The following RAB30 variants were observed in gnomAD, a reference collection of about 807,000 sequenced individuals.
RAB30 encodes the protein RAB30, member RAS oncogene family, also known as ras-related protein Rab-30.
In RAB30, 9 loss-of-function variants were observed where a neutral mutation model predicts 25.1. The ratio of observed to expected loss-of-function variants is 0.36; its 90% CI spans 0.22 to 0.63. The LOEUF (loss-of-function observed/expected upper bound fraction) is 0.63, where lower values mean the gene tolerates loss of function less well. RAB30 is among the 20% of genes least tolerant of loss of function. The pLI is 0.69. For missense variants in RAB30, 140 were observed against 243.5 expected (o/e 0.58, Z 2.83); for synonymous variants, 77 against 86.4 (o/e 0.89, Z 0.60).
intron 4 of RAB30, among the ~76,000 whole-genome samples, chr11:82,982,882 A>T (rs927960911): frequency 6.6e-6 from 1 of 152,130 alleles, no homozygotes; most frequent in African/African-American, 2.4e-5. Flanking sequence ...AATAAATAAA[A>T]AATGAGTGCC....
In RAB30 at chr11:82,977,800, A is replaced by G. The variant is rs1411790925; in HGVS notation, c.*4365T>C. The G allele has an allele frequency of 6.6e-6, 1 of 152,208 alleles. No homozygotes were observed. The highest frequency in any genetic ancestry group is 1.9e-4 in the East Asian group (1 of 5,200). 9.4% of individuals were successfully genotyped at this position (152,208 alleles called of 1,614,324 possible). A position where few individuals can be genotyped will look rare whatever the true frequency, so the allele number is the denominator to read the frequency against. The stretch of plus-strand genomic sequence containing the variant: ...CAAAGTATGGCTCCTGGAAATGATA[A>G]TAACATTCCAACATCAAGGGACTGA... On this transcript the variant is annotated 3_prime_UTR_variant, in exon 5 of 5. Transcript: ENST00000527633.
intron 1 of RAB30, among the ~76,000 whole-genome samples, chr11:83,052,328 C>G (rs1469720285): frequency 6.6e-6 from 1 of 152,172 alleles, no homozygotes; most frequent in Non-Finnish European, 1.5e-5. Context: ...GTGCTCACAG[C>G]CCCAGGATTT....
At position 82,976,487 on chromosome 11, in the gene RAB30, C is replaced by T. The variant is rs560791771; in HGVS notation, c.*5678G>A. 1 of 152,260 alleles carries T rather than the reference C, an allele frequency of 6.6e-6. No individual in the cohort carries two copies. Among genetic ancestry groups the T allele is most frequent in the Non-Finnish European group, 1.5e-5 (1 of 67,998 alleles). The allele number at this position is 152,260 out of a possible 1,614,324, so 9.4% of individuals were successfully genotyped here. A position where few individuals can be genotyped will look rare whatever the true frequency, so the allele number is the denominator to read the frequency against. ...TCTATATAACTCCCCACATCACTCT[C>T]CAAAGTGTCAAAGTCAGCAACCACC... On this transcript the variant is annotated 3_prime_UTR_variant, in exon 5 of 5. Transcript: ENST00000527633.
chr11:83,071,812 G>A lies in RAB30; in HGVS notation c.-130C>T, dbSNP rs552890098. The A allele has an allele frequency of 1.2e-4, 42 of 338,894 alleles. No homozygotes were observed. Among genetic ancestry groups the A allele is most frequent in the Middle Eastern group, 1.6e-3 (2 of 1,290 alleles). 21.0% of individuals were successfully genotyped at this position (338,894 alleles called of 1,614,324 possible). On this transcript the variant is annotated 5_prime_UTR_variant, in exon 1 of 5. Transcript: ENST00000527633. ...AAGGGCTGGAGTCAGTCCCTGCCCT[G>A]GTGCTGCTGCTACACTTAGCTCAGC...
chr11:83,035,124 T>A (rs889487591), intron 1 of RAB30, among the ~76,000 whole-genome samples: 2 of 151,208 alleles, frequency 1.3e-5, no homozygotes, highest in Admixed American at 6.6e-5. Flanking sequence ...ATGAGCAAAC[T>A]ATGGCTCAGA....
At position 82,976,801 on chromosome 11, in the gene RAB30, G is replaced by C. The variant is rs1856553504; in HGVS notation, c.*5364C>G. 1 of 152,146 alleles carries C rather than the reference G, an allele frequency of 6.6e-6. No individual in the cohort carries two copies. Among genetic ancestry groups the C allele is most frequent in the African/African-American group, 2.4e-5 (1 of 41,424 alleles). The allele number at this position is 152,146 out of a possible 1,614,324, so 9.4% of individuals were successfully genotyped here. A position where few individuals can be genotyped will look rare whatever the true frequency, so the allele number is the denominator to read the frequency against. On this transcript the variant is annotated 3_prime_UTR_variant, in exon 5 of 5. Coordinates refer to ENST00000527633, the MANE Select transcript of RAB30 (RefSeq NM_001286060.2). ...AAGGGTGAAAGTTATTTTGCAGGTG[G>C]AATAATTTGGGCCATAGGCTTCAAT...
intron 1 of RAB30, among the ~76,000 whole-genome samples, chr11:83,006,457 C>T (rs1000445667): frequency 3.9e-4 from 59 of 152,154 alleles, no homozygotes; most frequent in African/African-American, 1.3e-3. Context: ...GAAGAAAGGG[C>T]GGGGGCATAT....
intron 1 of RAB30, among the ~76,000 whole-genome samples, chr11:83,052,958 T>C (rs1185940315): frequency 6.6e-6 from 1 of 152,214 alleles, no homozygotes; most frequent in East Asian, 1.9e-4. Flanking sequence ...ATTAATGTTT[T>C]AGTAAAAAAA....
At chr11:83,004,225 G>T (rs1857141776) in intron 1 of RAB30, among the ~76,000 whole-genome samples, 2 of 152,146 alleles carry the variant, frequency 1.3e-5, no homozygotes, top group South Asian at 2.1e-4. Context: ...AGGTAGGGTT[G>T]CCAGATATAG....
intron 3 of RAB30, among the ~76,000 whole-genome samples, chr11:82,992,736 AACACACACACACACACAC>A (rs113845129): frequency 2.3e-5 from 3 of 131,126 alleles, no homozygotes; most frequent in Non-Finnish European, 3.2e-5. Flanking sequence ...CTCTGTCACC[AACACACACACACACACAC>A]ACACACACAC....
intron 2 of RAB30, among the ~76,000 whole-genome samples, chr11:82,995,936 G>A (rs915964451): frequency 7.2e-5 from 11 of 152,208 alleles, no homozygotes; most frequent in African/African-American, 2.4e-4. Context: ...CAAGGTCAAG[G>A]AAACTTTTGA....
At chr11:83,021,318 C>T (rs1264834674) in intron 1 of RAB30, among the ~76,000 whole-genome samples, 4 of 152,192 alleles carry the variant, frequency 2.6e-5, no homozygotes, top group Non-Finnish European at 5.9e-5. Flanking sequence ...AGAGGAGAGA[C>T]GAGCTGTGGC....
At chr11:83,035,307 GGT>G (rs1392878706) in intron 1 of RAB30, 1 of 152,228 alleles carries the variant, frequency 6.6e-6, no homozygotes, top group African/African-American at 2.4e-5. Context: ...CTCCCCAGCA[GGT>G]AATGCATATT....
At chr11:83,017,854 C>G (rs879907541) in intron 1 of RAB30, among the ~76,000 whole-genome samples, 15 of 152,154 alleles carry the variant, frequency 9.9e-5, no homozygotes, top group Non-Finnish European at 1.8e-4. Flanking sequence ...GTGCAAGTGT[C>G]TTTTTCATAT....
rs1005125630 is a variant in RAB30 at position 83,031,103 on chromosome 11, G to C, written c.-8-33779C>G. Among the ~76,000 whole-genome samples the C allele has an allele frequency of 3.9e-5, 6 of 152,316 alleles. No homozygotes were observed. The East Asian group carries it at 1.2e-3, about 29-fold the overall frequency. On this transcript the variant is annotated intron_variant, in intron 1 of 4. Transcript: ENST00000527633. ...CAGCCATCTGCAAGCCAAGGAGAGAGGCCTCAGAGGAAACCAATCCTGCCA... is the reference window on the plus strand; with the variant it reads ...CAGCCATCTGCAAGCCAAGGAGAGACGCCTCAGAGGAAACCAATCCTGCCA...
intron 3 of RAB30, among the ~76,000 whole-genome samples, chr11:82,988,257 A>G (rs1189159795): frequency 6.6e-6 from 1 of 152,176 alleles, no homozygotes; most frequent in Non-Finnish European, 1.5e-5. Context: ...AACCAATTCA[A>G]CCAGGCATTG....
chr11:83,062,165 C>T (rs907542701), intron 1 of RAB30, among the ~76,000 whole-genome samples: 1 of 152,076 alleles, frequency 6.6e-6, no homozygotes, highest in Admixed American at 6.6e-5. Flanking sequence ...TCTATATCTG[C>T]ATTTTTCAGA....
intron 1 of RAB30, among the ~76,000 whole-genome samples, chr11:83,025,066 G>C (rs1297142377): frequency 6.6e-6 from 1 of 152,208 alleles, no homozygotes; most frequent in Non-Finnish European, 1.5e-5. Context: ...TAGCAACTTG[G>C]AGAACACACT....
intron 1 of RAB30, among the ~76,000 whole-genome samples, chr11:83,016,996 G>A (rs1362948248): frequency 6.6e-6 from 1 of 152,150 alleles, no homozygotes; most frequent in East Asian, 1.9e-4. Flanking sequence ...AAAAATCACA[G>A]TGCAATGTAA....
Sources: allele counts gnomAD v4.1 joint callset (sites outside exome capture counted in the v4.1 genomes callset), GRCh38; gene constraint gnomAD v4.1.1; transcripts MANE v1.5; gene names NCBI Gene and HGNC (gene_info 2026-07-23, HGNC 2026-07-21).